The following MICAL3 variants were observed in gnomAD, a reference collection of about 807,000 sequenced individuals.
MICAL3 encodes the protein microtubule associated monooxygenase, calponin and LIM domain containing 3, also known as [F-actin]-monooxygenase MICAL3.
In MICAL3, 62 loss-of-function variants were observed where a neutral mutation model predicts 207.4. The ratio of observed to expected loss-of-function variants is 0.30; its 90% confidence interval spans 0.24 to 0.37. The LOEUF (loss-of-function observed/expected upper bound fraction) is 0.37, where lower values mean the gene tolerates loss of function less well. MICAL3 is among the 10% of genes least tolerant of loss of function. The pLI is 1.00. For synonymous variants in MICAL3, 1,077 were observed against 1,069.3 expected, an observed-to-expected ratio of 1.01 and a Z score of -0.14; for missense variants, 2,368 against 2,635.6, an observed-to-expected ratio of 0.90 and a Z score of 2.22.
intron 1 of MICAL3, among the ~76,000 whole-genome samples, chr22:17,932,170 T>A (rs1378377987): frequency 6.6e-6 from 1 of 151,964 alleles, no homozygotes; most frequent in African/African-American, 2.4e-5. Context: ...CCAAGACACA[T>A]AATTGGCAGA....
chr22:17,932,847 A>G (rs551807537), intron 1 of MICAL3, among the ~76,000 whole-genome samples: 3 of 152,354 alleles, frequency 2.0e-5, no homozygotes, highest in South Asian at 2.1e-4. Context: ...CAGACTTTAA[A>G]CCAACAAAGA....
At chr22:17,977,949 GA>G (rs1480003811) in intron 1 of MICAL3, among the ~76,000 whole-genome samples, 5 of 152,116 alleles carry the variant, frequency 3.3e-5, no homozygotes, top group African/African-American at 1.2e-4. Flanking sequence ...TTGAACCTGG[GA>G]GGCGGAGGTT....
At chr22:17,913,377 C>T (rs149689728) in intron 1 of MICAL3, among the ~76,000 whole-genome samples, 3 of 152,264 alleles carry the variant, frequency 2.0e-5, no homozygotes, top group Admixed American at 1.3e-4. Flanking sequence ...CTTGAAGGAC[C>T]GGTCCTGGGG....
chr22:18,014,414 G>A (rs1414995527), intron 1 of MICAL3, among the ~76,000 whole-genome samples: 3 of 152,142 alleles, frequency 2.0e-5, no homozygotes, highest in Non-Finnish European at 4.4e-5. Flanking sequence ...CCAGAGCCTG[G>A]AAGGAAGAGA....
intron 29 of MICAL3, among the ~76,000 whole-genome samples, chr22:17,800,942 G>C (rs2061930657): frequency 6.6e-6 from 1 of 152,162 alleles, no homozygotes; most frequent in Non-Finnish European, 1.5e-5. Context: ...AGGGCCTAAA[G>C]TCCACAAGAG....
intron 1 of MICAL3, among the ~76,000 whole-genome samples, chr22:17,928,245 C>T (rs1205446182): frequency 6.6e-6 from 1 of 152,076 alleles, no homozygotes; most frequent in African/African-American, 2.4e-5. Flanking sequence ...CGAGACCATC[C>T]TGGCTAACAC....
chr22:17,910,080 C>CT (rs1451588340), intron 1 of MICAL3, among the ~76,000 whole-genome samples: 2 of 152,164 alleles, frequency 1.3e-5, no homozygotes, highest in African/African-American at 4.8e-5. Context: ...AATGACTTTT[C>CT]TTTGTTTCTA....
chr22:17,936,988 G>A (rs950205635), intron 1 of MICAL3, among the ~76,000 whole-genome samples: 9 of 152,126 alleles, frequency 5.9e-5, no homozygotes, highest in African/African-American at 1.9e-4. Flanking sequence ...ACCCCACTAC[G>A]TATGTAGGTA....
At chr22:17,892,740 T>C (rs1017515433) in intron 11 of MICAL3, among the ~76,000 whole-genome samples, 1 of 152,198 alleles carries the variant, frequency 6.6e-6, no homozygotes, top group Admixed American at 6.5e-5. Flanking sequence ...AAAATGCAAA[T>C]GTTTCCAACT....
rs767183611 is a variant in MICAL3 at position 17,832,006 on chromosome 22, C to T, written c.2903G>A (p.Arg968Gln). ...LGGVPWKEAV[R>Q]IHALLKGKSE... is the part of the protein sequence containing the mutation. ...TTTCCCTTTCAGAAGGGCATGGATC[C>T]GCACGGCCTCCTTCCACGGAACACC... Residue 968 changes from arginine (R) to glutamine (Q), a missense_variant, in exon 21 of 32, where the codon CGG (arginine) becomes CAG (glutamine). Around this residue, in one of 4 missense-constraint regions of MICAL3, gnomAD observed 1,770 missense variants for 1,863.2 expected, o/e 0.95. Coordinates refer to ENST00000441493, the MANE Select transcript of MICAL3 (RefSeq NM_015241.3). 18 of 1,605,782 alleles carry T rather than the reference C, an allele frequency of 1.1e-5. No individual in the cohort carries two copies. In the Admixed American group the frequency reaches 1.7e-4, roughly 15 times the overall value.
intron 19 of MICAL3, among the ~76,000 whole-genome samples, chr22:17,845,385 A>G (rs1223600564): frequency 6.6e-6 from 1 of 152,210 alleles, no homozygotes; most frequent in African/African-American, 2.4e-5. Context: ...CACGGGAAAC[A>G]AAGCAGATTA....
chr22:17,955,812 G>A (rs2099944), intron 1 of MICAL3, among the ~76,000 whole-genome samples: 36,360 of 151,996 alleles, frequency 0.24, 4,656 homozygotes, highest in African/African-American at 0.31. Flanking sequence ...TCATGCCTGA[G>A]AAGCCCCAGC....
chr22:17,878,325 T>A (rs1929081622), intron 16 of MICAL3, among the ~76,000 whole-genome samples: 1 of 152,120 alleles, frequency 6.6e-6, no homozygotes, highest in Non-Finnish European at 1.5e-5. Context: ...CACAGCGCCG[T>A]GGGAGAGCAG....
In MICAL3 at chr22:17,898,544, T is replaced by C. The variant is rs1366072399; in HGVS notation, c.948+904A>G. On this transcript the variant is annotated intron_variant, in intron 7 of 31. Coordinates refer to ENST00000441493, the MANE Select transcript of MICAL3 (RefSeq NM_015241.3). ...GTACTGTAGCTCAGACTAAAGTGACTGCATTCACATCACCCTGCAAAGACA... is the reference window on the plus strand; with the variant it reads ...GTACTGTAGCTCAGACTAAAGTGACCGCATTCACATCACCCTGCAAAGACA... Among the ~76,000 whole-genome samples, 3 of 152,236 alleles carry C rather than the reference T, an allele frequency of 2.0e-5. No homozygotes were observed. The East Asian group carries it at 5.8e-4, about 29-fold the overall frequency.
At chr22:17,881,118 G>A (rs1002980623) in intron 16 of MICAL3, 2 of 1,106,690 alleles carry the variant, frequency 1.8e-6, no homozygotes, top group African/African-American at 1.6e-5. Context: ...CTGGTAAGAG[G>A]GAAAGTGACT....
chr22:17,834,686 G>C (rs760888901), intron 20 of MICAL3: 9 of 831,502 alleles, frequency 1.1e-5, no homozygotes, highest in Non-Finnish European at 1.3e-5. Flanking sequence ...AGGAGAGGTC[G>C]AAAGTGGGCA....
At chr22:17,879,479 C>A in intron 16 of MICAL3, 2 of 1,265,448 alleles carry the variant, frequency 1.6e-6, no homozygotes, top group Admixed American at 2.1e-5. Flanking sequence ...GTGGGAAATT[C>A]AGGGGCAGAA....
chr22:17,933,862 A>G (rs1185513523), intron 1 of MICAL3, among the ~76,000 whole-genome samples: 1 of 152,244 alleles, frequency 6.6e-6, no homozygotes, highest in African/African-American at 2.4e-5. Context: ...TGCATAAACT[A>G]GAAAATCTAG....
At chr22:17,919,952 G>C (rs1487480905) in intron 1 of MICAL3, among the ~76,000 whole-genome samples, 1 of 152,222 alleles carries the variant, frequency 6.6e-6, no homozygotes, top group African/African-American at 2.4e-5. Context: ...CACTACCCCA[G>C]AGACGAGTGA....
Sources: gnomAD v4.1 joint callset for allele counts (sites outside exome capture counted in the v4.1 genomes callset) on GRCh38, gnomAD v4.1.1 for gene constraint, gnomAD v4.1.1 regional missense constraint, MANE v1.5 for transcripts, NCBI Gene and HGNC (gene_info 2026-07-23, HGNC 2026-07-21) for gene names.